Variants in GUCY1B1 observed in about 807,000 individuals in gnomAD.
GUCY1B1 encodes the protein guanylate cyclase 1 soluble subunit beta 1.
In GUCY1B1, 43 loss-of-function variants were observed where a neutral mutation model predicts 71.0. The ratio of observed to expected loss-of-function variants is 0.61; its 90% CI spans 0.47 to 0.78. GUCY1B1 has a LOEUF of 0.78. Ranked by LOEUF, GUCY1B1 falls within the 30% of genes least tolerant of loss-of-function variation. GUCY1B1 has a pLI of 0.00. For synonymous variants in GUCY1B1, 266 were observed against 259.7 expected (o/e 1.02, Z -0.23); for missense variants, 535 against 754.1 (o/e 0.71, Z 3.40).
chr4:155,781,118 T>G (rs1477835923), intron 4 of GUCY1B1, among the ~76,000 whole-genome samples: 1 of 152,214 alleles, frequency 6.6e-6, no homozygotes, highest in Non-Finnish European at 1.5e-5. Context: ...GTTTTTACTT[T>G]TCTTGAAATA....
chr4:155,759,717 A>T, intron 1 of GUCY1B1, 70 bp from the exon 2 acceptor site: 1 of 1,102,756 alleles, frequency 9.1e-7, no homozygotes, highest in African/African-American at 1.5e-5. Flanking sequence ...CAGAGGCAGC[A>T]GCCTCGCCCC....
At chr4:155,800,100 A>C in intron 9 of GUCY1B1, 26 bp downstream of exon 9, 1 of 1,481,560 alleles carries the variant, frequency 6.7e-7, no homozygotes. Context: ...TTGGAGCACT[A>C]CTGTTATTCA....
At chr4:155,759,704 G>A (rs961361068) in intron 1 of GUCY1B1, 83 bp from the exon 2 acceptor site, 42 of 952,914 alleles carry the variant, frequency 4.4e-5, no homozygotes, top group Middle Eastern at 2.3e-4. Flanking sequence ...AGCGCCATGG[G>A]AGCAGAGGCA....
chr4:155,791,667 G>A (rs947324684), intron 5 of GUCY1B1, among the ~76,000 whole-genome samples: 1 of 150,236 alleles, frequency 6.7e-6, no homozygotes, highest in African/African-American at 2.5e-5. Flanking sequence ...GGAGGCACAG[G>A]TTGCAGTGAG....
intron 5 of GUCY1B1, among the ~76,000 whole-genome samples, chr4:155,792,935 TAAATC>T (rs1739278478): frequency 6.6e-6 from 1 of 152,214 alleles, no homozygotes; most frequent in Non-Finnish European, 1.5e-5. Flanking sequence ...GATTTGCAAT[TAAATC>T]AAAGAATCCA....
In GUCY1B1 at chr4:155,795,368, T is replaced by C. The variant is rs1739475103; in HGVS notation, c.754T>C (p.Ser252Pro). The C allele has an allele frequency of 1.2e-6, 2 of 1,608,400 alleles. No individual in the cohort carries two copies. Among genetic ancestry groups the C allele is most frequent in the South Asian group, 2.2e-5 (2 of 90,882 alleles). Residue 252 changes from serine (S) to proline (P), a missense_variant, in exon 7 of 14, where the codon TCT (serine) becomes CCT (proline). Transcript: ENST00000264424. ...CCAGCCTGGGAATTGCAGCCTTCTG[T>C]CTGTCTTCTCGCTGGTTCGTCCTCA... ...QLQPGNCSLL[S>P]VFSLVRPHID...
Position 155,806,324 on chromosome 4 carries a change from A to G in GUCY1B1, c.1837-62A>G. The stretch of plus-strand genomic sequence containing the variant: ...TCTCATAAAGAGAAAAATATATTTA[A>G]TTGATATTATAAACCTCACTATCAC... On this transcript the variant is annotated intron_variant, in intron 13 of 13. Coordinates refer to ENST00000264424, the MANE Select transcript of GUCY1B1 (RefSeq NM_000857.5). 3.0e-6 allele frequency: 3 copies of G among 1,004,826 alleles called. No homozygotes were observed. In the South Asian group the frequency reaches 4.1e-5, roughly 14 times the overall value. 62.2% of individuals were successfully genotyped at this position (1,004,826 alleles called of 1,614,324 possible).
At position 155,789,620 on chromosome 4, in the gene GUCY1B1, C is replaced by T. The variant is rs1208640679; in HGVS notation, c.298-94C>T. 1.7e-5 allele frequency: 12 copies of T among 712,116 alleles called. No homozygotes were observed. The East Asian group carries it at 2.7e-4, about 16-fold the overall frequency. 44.1% of individuals were successfully genotyped at this position (712,116 alleles called of 1,614,324 possible). ...CTGCTTCGCTGATCTGCCCACTAGA[C>T]TCCGATTTGACTCGTTTTCATATCT... On this transcript the variant is annotated intron_variant, in intron 4 of 13. Transcript: ENST00000264424.
chr4:155,763,668 A>T (rs1191003081), intron 2 of GUCY1B1, among the ~76,000 whole-genome samples: 2 of 152,148 alleles, frequency 1.3e-5, no homozygotes, highest in East Asian at 3.9e-4. Flanking sequence ...CAGTTTTGAA[A>T]TTAATGTGTC....
chr4:155,783,405 T>G (rs1487249334), intron 4 of GUCY1B1, among the ~76,000 whole-genome samples: 1 of 152,174 alleles, frequency 6.6e-6, no homozygotes, highest in Admixed American at 6.5e-5. Context: ...CAAATGCAAT[T>G]TTAGAGAACA....
chr4:155,782,597 T>G (rs1280109632), intron 4 of GUCY1B1, among the ~76,000 whole-genome samples: 1 of 152,230 alleles, frequency 6.6e-6, no homozygotes, highest in Non-Finnish European at 1.5e-5. Context: ...CAACAGTCTC[T>G]CCCATCTCAC....
chr4:155,791,645 C>T (rs976838025), intron 5 of GUCY1B1, among the ~76,000 whole-genome samples: 2 of 150,360 alleles, frequency 1.3e-5, no homozygotes, highest in Non-Finnish European at 3.0e-5. Context: ...GCAGAAGAAT[C>T]GCTTGAACCC....
intron 3 of GUCY1B1, 111 bp downstream of exon 3, chr4:155,775,179 C>T: frequency 1.4e-6 from 1 of 715,982 alleles, no homozygotes; most frequent in Non-Finnish European, 2.5e-6. Flanking sequence ...AGCATTTGTA[C>T]AACCTGCATA....
chr4:155,796,507 C>T lies in GUCY1B1; in HGVS notation c.974C>T (p.Pro325Leu). The change falls in exon 8 of 14, where the codon CCA becomes CTA. Residue 325 changes from proline to leucine, a missense_variant. Pro to Leu is a moderately conservative substitution (Grantham distance 98). Coordinates refer to ENST00000264424, the MANE Select transcript of GUCY1B1 (RefSeq NM_000857.5). ...EADSILFLCS[P>L]SVMNLDDLTR... ...GATAGCATACTTTTTCTATGTTCAC[C>T]AAGGTAATCATTTTTAGATTAATTA... The T allele has an allele frequency of 6.2e-7, 1 of 1,604,942 alleles. No individual in the cohort carries two copies. The highest frequency in any genetic ancestry group is 8.5e-7 in the Non-Finnish European group (1 of 1,173,012).
intron 8 of GUCY1B1, among the ~76,000 whole-genome samples, chr4:155,799,567 C>G (rs1739802630): frequency 6.6e-6 from 1 of 152,164 alleles, no homozygotes; most frequent in South Asian, 2.1e-4. Context: ...TAATAAATTA[C>G]AGCCTGTGTT....
chr4:155,759,669 C>T (rs1418274112), intron 1 of GUCY1B1, 118 bp from the exon 2 acceptor site: 2 of 679,496 alleles, frequency 2.9e-6, no homozygotes, highest in South Asian at 1.8e-5. Context: ...GGAGAGGAGT[C>T]AGGGGCGGGG....
rs3839143 is a variant in GUCY1B1, at chr4:155,762,333, A to AT, written c.77+2482dup. 6.7e-4 allele frequency among the ~76,000 whole-genome samples: 101 copies of AT among 151,528 alleles called. 1 individual carries two copies. The highest frequency in any genetic ancestry group is 9.9e-4 in the Admixed American group (15 of 15,218). ...AGAAATTGAATATAAGAGGAAAAAC[A>AT]TTTTTTTTTGTCTCAGTAAGTACCA... is the stretch of plus-strand genomic sequence containing the variant. On this transcript the variant is annotated intron_variant, in intron 2 of 13. Transcript: ENST00000264424.
Position 155,802,582 on chromosome 4 carries a change from A to G in GUCY1B1, c.1413+3A>G, listed in dbSNP as rs1343166707. On this transcript the variant is annotated splice_donor_region_variant and intron_variant, in intron 10 of 13. Transcript: ENST00000264424. This position sits in a 1 kb window ranked among gnomAD's most constrained non-coding sequence, Gnocchi z 4.3. The stretch of plus-strand genomic sequence containing the variant: ...GGAAAAACCCATTTGTTTATAAGGC[A>G]AGTGTTCTTTATCGCTGACTGCAGA... 1.3e-6 allele frequency: 2 copies of G among 1,578,990 alleles called. No individual in the cohort carries two copies. Among genetic ancestry groups the G allele is most frequent in the Middle Eastern group, 1.7e-4 (1 of 5,940 alleles).
intron 7 of GUCY1B1, 33 bp downstream of exon 7, chr4:155,795,490 A>G (rs1337717434): frequency 3.0e-6 from 3 of 1,014,026 alleles, no homozygotes; most frequent in Non-Finnish European, 4.7e-6. Context: ...AAATGTGAGA[A>G]AGGTATGTCA....
Sources: allele counts gnomAD v4.1 joint callset (sites outside exome capture counted in the v4.1 genomes callset), GRCh38; gene constraint gnomAD v4.1.1; non-coding constraint Gnocchi (gnomAD v3.1); transcripts MANE v1.5; gene names NCBI Gene and HGNC (gene_info 2026-07-23, HGNC 2026-07-21).